Variants in SLC4A7 observed in about 807,000 individuals in gnomAD.
The protein encoded by SLC4A7 is sodium bicarbonate cotransporter 3.
SLC4A7 carries 51 observed loss-of-function variants against 137.6 expected under a neutral mutation model. That is an observed-to-expected ratio of 0.37 (90% CI 0.30 to 0.47). The LOEUF (loss-of-function observed/expected upper bound fraction) is 0.47, where lower values mean the gene tolerates loss of function less well. SLC4A7 is among the 20% of genes least tolerant of loss of function. The pLI is 1.00. For synonymous variants in SLC4A7, 542 were observed against 518.6 expected (o/e 1.05, Z -0.61); for missense variants, 1,247 against 1,525.4 (o/e 0.82, Z 3.04).
chr3:27,438,643 TAAAAC>T (rs1373246152), intron 3 of SLC4A7, among the ~76,000 whole-genome samples: 3 of 144,652 alleles, frequency 2.1e-5, no homozygotes, highest in African/African-American at 5.1e-5. Context: ...TAAAATAACA[TAAAAC>T]AAAATAACAA....
chr3:27,411,432 T>C (rs1365144047), intron 12 of SLC4A7, among the ~76,000 whole-genome samples: 1 of 151,764 alleles, frequency 6.6e-6, no homozygotes, highest in East Asian at 1.9e-4. Flanking sequence ...ATTATTTTCC[T>C]TTTAAAGCTT....
chr3:27,469,628 C>T (rs2059152079), intron 1 of SLC4A7, among the ~76,000 whole-genome samples: 1 of 152,126 alleles, frequency 6.6e-6, no homozygotes, highest in African/African-American at 2.4e-5. Context: ...TGGCACATGC[C>T]TGTAATACCA....
chr3:27,483,276 A>G (rs1420579419), intron 1 of SLC4A7, among the ~76,000 whole-genome samples: 1 of 152,268 alleles, frequency 6.6e-6, no homozygotes, highest in Non-Finnish European at 1.5e-5. Flanking sequence ...ACCGGCCTTA[A>G]GTCCATCCCC....
intron 14 of SLC4A7, 119 bp from the exon 15 acceptor site, chr3:27,403,503 T>C (rs979527045): frequency 5.1e-6 from 3 of 592,738 alleles, no homozygotes; most frequent in African/African-American, 1.9e-5. Flanking sequence ...AGAGAATGAA[T>C]TACAGAATGA....
chr3:27,422,103 T>G (rs1202198820), intron 8 of SLC4A7, among the ~76,000 whole-genome samples: 5 of 152,188 alleles, frequency 3.3e-5, no homozygotes, highest in Non-Finnish European at 7.3e-5. Context: ...CTAACAATGG[T>G]TCATGAAATT....
At chr3:27,379,506 T>A (rs1438742329) in intron 24 of SLC4A7, 150 bp from the exon 25 acceptor site, 1 of 559,756 alleles carries the variant, frequency 1.8e-6, no homozygotes, top group African/African-American at 1.9e-5. Flanking sequence ...TTATGAAGAA[T>A]TACGTCTTTC....
In SLC4A7 at chr3:27,431,409, G is replaced by C. The variant is rs766111192; in HGVS notation, c.1039C>G (p.Pro347Ala). 27 of 1,614,070 alleles carry C rather than the reference G, an allele frequency of 1.7e-5. No homozygotes were observed. The Middle Eastern group carries it at 6.6e-4, about 39-fold the overall frequency. ...QRQAPELLVSPASDDIPTVVI... is the reference protein window; with the variant it reads ...QRQAPELLVSAASDDIPTVVI... ...ACTGTGGGAATATCATCACTGGCAG[G>C]TGAAACCAGTAGTTCTGGGGCCTGA... The change falls in exon 7 of 26, where the codon CCT becomes GCT. Residue 347 changes from proline (P) to alanine (A), a missense_variant. By Grantham distance (27) the Pro-to-Ala change is conservative. Coordinates refer to ENST00000454389, the MANE Select transcript of SLC4A7 (RefSeq NM_001321103.2).
intron 11 of SLC4A7, among the ~76,000 whole-genome samples, chr3:27,412,844 A>G (rs1167234029): frequency 1.3e-5 from 2 of 152,164 alleles, no homozygotes; most frequent in Non-Finnish European, 2.9e-5. Context: ...AAGCACATTC[A>G]AGAAAATTAA....
rs1314731399 is a variant in SLC4A7 at position 27,399,005 on chromosome 3, AG to A, written c.2428-653del. ...GAAACTACTGACTTCATTTTCCTTT[AG>A]GGAAAAAAAAAAAAAACTGAAAGGC... On this transcript the variant is annotated intron_variant, in intron 16 of 25. Coordinates refer to ENST00000454389, the MANE Select transcript of SLC4A7 (RefSeq NM_001321103.2). 3.4e-5 allele frequency among the ~76,000 whole-genome samples: 5 copies of A among 146,530 alleles called. No homozygotes were observed. The East Asian group carries it at 6.0e-4, about 18-fold the overall frequency.
At chr3:27,402,409 T>C (rs1332523149) in intron 15 of SLC4A7, among the ~76,000 whole-genome samples, 1 of 152,134 alleles carries the variant, frequency 6.6e-6, no homozygotes, top group Non-Finnish European at 1.5e-5. Flanking sequence ...GTAAAAATTA[T>C]CAAGCTTCAG....
intron 7 of SLC4A7, among the ~76,000 whole-genome samples, chr3:27,429,857 A>G (rs1451677696): frequency 6.9e-6 from 1 of 145,334 alleles, no homozygotes; most frequent in East Asian, 2.0e-4. Context: ...TCTCCACCCC[A>G]CCCGCCCAAG....
chr3:27,464,783 T>C (rs2058888740), intron 1 of SLC4A7, among the ~76,000 whole-genome samples: 1 of 151,964 alleles, frequency 6.6e-6, no homozygotes, highest in Non-Finnish European at 1.5e-5. Context: ...CCAAGACAAT[T>C]TACGAGCACT....
At chr3:27,478,222 A>G (rs934642220) in intron 1 of SLC4A7, among the ~76,000 whole-genome samples, 1 of 152,098 alleles carries the variant, frequency 6.6e-6, no homozygotes, top group Admixed American at 6.6e-5. Flanking sequence ...AAGGTCATTT[A>G]AAACATTAAA....
chr3:27,441,896 T>C (rs920753392), intron 3 of SLC4A7, among the ~76,000 whole-genome samples: 5 of 151,656 alleles, frequency 3.3e-5, no homozygotes, highest in African/African-American at 1.2e-4. Context: ...TCTTATTAGT[T>C]TGACTTTTTT....
At chr3:27,382,487 A>G (rs998406523) in intron 24 of SLC4A7, among the ~76,000 whole-genome samples, 1 of 152,210 alleles carries the variant, frequency 6.6e-6, no homozygotes, top group African/African-American at 2.4e-5. Flanking sequence ...GTGTACACAA[A>G]TATAGGTTAA....
At position 27,484,074 on chromosome 3, in the gene SLC4A7, G is replaced by A. The variant is rs1223909416; in HGVS notation, c.53C>T (p.Thr18Met). The A allele has an allele frequency of 1.4e-6, 2 of 1,408,232 alleles. No individual in the cohort carries two copies. The highest frequency in any genetic ancestry group is 1.9e-6 in the Non-Finnish European group (2 of 1,077,086). The allele number at this position is 1,408,232 out of a possible 1,614,324, so 87.2% of individuals were successfully genotyped here. Reference sequence around the variant, plus strand: ...CCGCCGCGGCGCCCTCACCCTGCTCGTTACCCGGGTGAGTAGCGGTCTCAT... The same window carrying A: ...CCGCCGCGGCGCCCTCACCCTGCTCATTACCCGGGTGAGTAGCGGTCTCAT... Reference protein sequence around the residue: ...EQMRPLLTRVTSRGPDEEAVV... With the variant: ...EQMRPLLTRVMSRGPDEEAVV... Residue 18 changes from threonine to methionine, a missense_variant, in exon 1 of 26, where the codon ACG becomes ATG. Thr to Met is a moderately conservative substitution (Grantham distance 81). Coordinates refer to ENST00000454389, the MANE Select transcript of SLC4A7 (RefSeq NM_001321103.2).
chr3:27,405,152 C>T (rs911878940), intron 13 of SLC4A7, among the ~76,000 whole-genome samples, 189 bp from the exon 14 acceptor site: 2 of 151,958 alleles, frequency 1.3e-5, no homozygotes, highest in African/African-American at 2.4e-5. Flanking sequence ...AGAAAAAATG[C>T]TTTCTTTTTG....
intron 1 of SLC4A7, among the ~76,000 whole-genome samples, chr3:27,482,870 C>T (rs1247198287): frequency 6.6e-6 from 1 of 152,190 alleles, no homozygotes; most frequent in African/African-American, 2.4e-5. Flanking sequence ...TGCTAAATGA[C>T]TTCACTGTCT....
intron 3 of SLC4A7, among the ~76,000 whole-genome samples, chr3:27,445,491 C>T (rs2057520304): frequency 6.6e-6 from 1 of 152,074 alleles, no homozygotes; most frequent in Admixed American, 6.6e-5. Context: ...TATACAATGT[C>T]TTAAAACTAC....
Sources: allele counts gnomAD v4.1 joint callset (sites outside exome capture counted in the v4.1 genomes callset), GRCh38; gene constraint gnomAD v4.1.1; transcripts MANE v1.5; gene names NCBI Gene and HGNC (gene_info 2026-07-23, HGNC 2026-07-21).